Variants in SGPP1 observed in about 807,000 individuals in gnomAD.
SGPP1 encodes sphingosine-1-phosphate phosphatase 1.
Under a neutral mutation model 33.0 loss-of-function variants are expected in SGPP1, and 21 were observed. That is an observed-to-expected ratio of 0.64 (90% CI 0.45 to 0.92). The LOEUF (loss-of-function observed/expected upper bound fraction) is 0.92, where lower values mean the gene tolerates loss of function less well. Ranked by LOEUF, SGPP1 falls within the 40% of genes least tolerant of loss-of-function variation. SGPP1 has a pLI of 0.00. For synonymous variants in SGPP1, 239 were observed against 241.2 expected, an observed-to-expected ratio of 0.99 and a Z score of 0.08; for missense variants, 543 against 589.4, an observed-to-expected ratio of 0.92 and a Z score of 0.81.
Position 63,727,549 on chromosome 14 carries a change from G to A in SGPP1, c.396C>T (p.Phe132=). Residue 132 remains phenylalanine, a synonymous_variant, in exon 1 of 3, where the codon TTC becomes TTT. Transcript: ENST00000247225. The part of the protein sequence containing the change: ...RVSNWPLYCL[F]CFGTELGNEL... ...CGTTGCCCAGCTCCGTGCCGAAGCA[G>A]AACAGGCAGTAGAGCGGCCAGTTGC... 1 of 1,613,294 alleles carries A rather than the reference G, an allele frequency of 6.2e-7. No individual in the cohort carries two copies. The highest frequency in any genetic ancestry group is 1.1e-5 in the South Asian group (1 of 91,052).
In SGPP1 at chr14:63,727,727, C is replaced by G. The variant is rs1254312840; in HGVS notation, c.218G>C (p.Arg73Pro). 3.8e-5 allele frequency: 55 copies of G among 1,436,260 alleles called. No individual in the cohort carries two copies. The East Asian group carries it at 1.4e-3, about 35-fold the overall frequency. 89.0% of individuals were successfully genotyped at this position (1,436,260 alleles called of 1,614,324 possible). The stretch of plus-strand genomic sequence containing the variant: ...GTCCGGCTTGGCCGGGCACTGATTG[C>G]GGTCGCTCCCGGGAGGCTGGGGGCC... The part of the protein sequence containing the change: ...PGGPQPPGSD[R>P]NQCPAKPDGG... Residue 73 changes from arginine to proline, a missense_variant, in exon 1 of 3, where the codon CGC becomes CCC. Physicochemically the swap from Arg to Pro is moderately radical, Grantham distance 103. Coordinates refer to ENST00000247225, the MANE Select transcript of SGPP1 (RefSeq NM_030791.4).
At chr14:63,724,869 G>C (rs574664688) in intron 1 of SGPP1, among the ~76,000 whole-genome samples, 1 of 150,052 alleles carries the variant, frequency 6.7e-6, no homozygotes, top group African/African-American at 2.5e-5. Flanking sequence ...GCAACAGAGC[G>C]AGACTCCGTC....
chr14:63,723,393 T>C (rs1885815717), intron 1 of SGPP1, among the ~76,000 whole-genome samples: 1 of 152,198 alleles, frequency 6.6e-6, no homozygotes, highest in Non-Finnish European at 1.5e-5. Flanking sequence ...GGAGCTATAC[T>C]ATTCCAATCT....
intron 1 of SGPP1, among the ~76,000 whole-genome samples, chr14:63,726,636 T>C (rs1474487318): frequency 1.3e-5 from 2 of 152,206 alleles, no homozygotes; most frequent in South Asian, 2.1e-4. Context: ...TACTACAGAT[T>C]AGTGATCCAG....
Position 63,698,600 on chromosome 14 carries a change from CT to C in SGPP1, c.742del (p.Ser248ValfsTer22). The C allele has an allele frequency of 6.2e-7, 1 of 1,603,698 alleles. No individual in the cohort carries two copies. Among genetic ancestry groups the C allele is most frequent in the Admixed American group, 1.7e-5 (1 of 59,074 alleles). On this transcript the variant is annotated frameshift_variant, in exon 2 of 3. Transcript: ENST00000247225. LOFTEE classifies it high-confidence loss of function. ...IPCWCSLVCLSRIYMGMHSIL... is the reference protein window; with the variant it reads ...IPCWCSLVCLXRIYMGMHSIL... ...AGAGTGCATTCCCATGTAAATTCTA[CT>C]TAGGCAAACTAGAGAACACCAGCAG... is the stretch of plus-strand genomic sequence containing the variant.
intron 2 of SGPP1, among the ~76,000 whole-genome samples, chr14:63,687,295 G>T (rs551946756): frequency 1.3e-5 from 2 of 152,046 alleles, no homozygotes; most frequent in East Asian, 1.9e-4. Context: ...GCAAAAATTA[G>T]CCAGGTATGG....
intron 2 of SGPP1, among the ~76,000 whole-genome samples, chr14:63,694,298 G>GA (rs1885146039): frequency 6.6e-6 from 1 of 151,022 alleles, no homozygotes; most frequent in African/African-American, 2.4e-5. Context: ...AAAAAAAAAA[G>GA]AAAAAATTCA....
intron 1 of SGPP1, 73 bp from the exon 2 acceptor site, chr14:63,698,731 C>A (rs1212798907): frequency 4.0e-5 from 32 of 809,054 alleles, no homozygotes; most frequent in Non-Finnish European, 5.2e-5. Context: ...AAAGACAAAT[C>A]AAATCACTAT....
intron 1 of SGPP1, among the ~76,000 whole-genome samples, chr14:63,726,827 C>CTAA (rs1409202924): frequency 3.9e-5 from 6 of 152,160 alleles, no homozygotes; most frequent in Admixed American, 3.9e-4. Flanking sequence ...CACGGTAAAG[C>CTAA]TAATGACTTT....
At chr14:63,689,815 T>A (rs944697558) in intron 2 of SGPP1, among the ~76,000 whole-genome samples, 5 of 151,590 alleles carry the variant, frequency 3.3e-5, no homozygotes, top group African/African-American at 7.3e-5. Context: ...AAAAAAAAAT[T>A]ATCTAGTTTT....
intron 1 of SGPP1, among the ~76,000 whole-genome samples, chr14:63,707,755 T>A (rs1566822146): frequency 6.6e-6 from 1 of 152,092 alleles, no homozygotes; most frequent in Non-Finnish European, 1.5e-5. Context: ...CCTTATTAAG[T>A]ATTTTTTTAT....
intron 1 of SGPP1, among the ~76,000 whole-genome samples, chr14:63,726,590 C>T (rs1335998002): frequency 2.0e-5 from 3 of 151,602 alleles, no homozygotes; most frequent in African/African-American, 7.3e-5. Flanking sequence ...GGCAATAACA[C>T]TATAGTATTA....
At chr14:63,719,733 C>A (rs944346456) in intron 1 of SGPP1, among the ~76,000 whole-genome samples, 12 of 134,274 alleles carry the variant, frequency 8.9e-5, no homozygotes, top group Admixed American at 2.8e-4. Context: ...CTCCCTCTCT[C>A]TCTCTATATA....
intron 1 of SGPP1, among the ~76,000 whole-genome samples, chr14:63,704,356 A>G (rs1177843431): frequency 6.6e-6 from 1 of 152,220 alleles, no homozygotes; most frequent in African/African-American, 2.4e-5. Flanking sequence ...GCCCCAAACT[A>G]AACCCATATA....
rs73263698 is a variant in SGPP1, at chr14:63,692,387, T to C, written c.775-5731A>G. ...TTGAAGGTACTTGACACAGTTGTTA[T>C]AAAAATTAACATTTTGAGAATCAGA... On this transcript the variant is annotated intron_variant, in intron 2 of 2. Coordinates refer to ENST00000247225, the MANE Select transcript of SGPP1 (RefSeq NM_030791.4). 1.9e-3 allele frequency among the ~76,000 whole-genome samples: 295 copies of C among 152,210 alleles called. 2 individuals are homozygous for C. The highest frequency in any genetic ancestry group is 5.9e-3 in the African/African-American group (247 of 41,536).
intron 1 of SGPP1, among the ~76,000 whole-genome samples, chr14:63,703,812 T>C (rs1885351530): frequency 6.8e-6 from 1 of 146,292 alleles, no homozygotes; most frequent in Non-Finnish European, 1.5e-5. Flanking sequence ...TTTTTTTTTT[T>C]TTTTTTTTTT....
intron 2 of SGPP1, among the ~76,000 whole-genome samples, chr14:63,689,253 C>T (rs761617369): frequency 1.3e-5 from 2 of 152,060 alleles, no homozygotes; most frequent in Non-Finnish European, 2.9e-5. Flanking sequence ...CTCTGCATTC[C>T]TCCCTGGAGG....
chr14:63,719,187 C>T (rs1173143687), intron 1 of SGPP1, among the ~76,000 whole-genome samples: 3 of 150,196 alleles, frequency 2.0e-5, no homozygotes, highest in East Asian at 1.9e-4. Context: ...TCACCACACC[C>T]GGCTAATTTT....
At position 63,728,038 on chromosome 14, in the gene SGPP1, C is replaced by A. The variant is rs780855318; in HGVS notation, c.-94G>T. 123 of 1,311,240 alleles carry A rather than the reference C, an allele frequency of 9.4e-5. No individual in the cohort carries two copies. Among genetic ancestry groups the A allele is most frequent in the East Asian group, 7.2e-4 (23 of 31,832 alleles). The allele number at this position is 1,311,240 out of a possible 1,614,324, so 81.2% of individuals were successfully genotyped here. On this transcript the variant is annotated 5_prime_UTR_variant, in exon 1 of 3. Coordinates refer to ENST00000247225, the MANE Select transcript of SGPP1 (RefSeq NM_030791.4). The stretch of plus-strand genomic sequence containing the variant: ...CAGCGGCAGCGGAACCGGCACAGCG[C>A]TCTACCCTCCGGAGTCTGCCGGGTG...
Sources: allele counts gnomAD v4.1 joint callset (sites outside exome capture counted in the v4.1 genomes callset), GRCh38; gene constraint gnomAD v4.1.1; transcripts MANE v1.5; gene names NCBI Gene and HGNC (gene_info 2026-07-23, HGNC 2026-07-21).